The following LMAN1 variants were observed in gnomAD, a reference collection of about 807,000 sequenced individuals.
LMAN1 encodes the protein lectin, mannose binding 1.
A neutral mutation model predicts 67.8 loss-of-function variants in LMAN1; 32 were observed. That is an observed-to-expected ratio of 0.47 (90% CI 0.36 to 0.63). The LOEUF is 0.63. LMAN1 is among the 30% of genes least tolerant of loss of function. The pLI, the probability that LMAN1 is intolerant of heterozygous loss-of-function variation, is 0.00. For missense variants in LMAN1, 632 were observed against 628.2 expected (o/e 1.01, Z -0.06); for synonymous variants, 235 against 219.3 (o/e 1.07, Z -0.63).
intron 5 of LMAN1, 102 bp downstream of exon 5, chr18:59,353,100 C>A: frequency 1.0e-6 from 1 of 997,502 alleles, no homozygotes; most frequent in Non-Finnish European, 1.6e-6. Context: ...AGTATGTAAG[C>A]ATATCCAAAT....
At chr18:59,346,118 T>TA in intron 7 of LMAN1, 67 bp from the exon 8 acceptor site, 1 of 1,353,272 alleles carries the variant, frequency 7.4e-7, no homozygotes. Flanking sequence ...TCTCTATACA[T>TA]GTTATTTTTC....
intron 10 of LMAN1, among the ~76,000 whole-genome samples, chr18:59,335,042 AC>A (rs1908110343): frequency 6.6e-6 from 1 of 152,228 alleles, no homozygotes; most frequent in Non-Finnish European, 1.5e-5. Flanking sequence ...ACAACTAGTT[AC>A]ATCTTTAGAT....
chr18:59,353,098 A>G, intron 5 of LMAN1, 104 bp downstream of exon 5: 1 of 985,394 alleles, frequency 1.0e-6, no homozygotes, highest in Non-Finnish European at 1.6e-6. Flanking sequence ...AGAGTATGTA[A>G]GCATATCCAA....
In LMAN1 at chr18:59,338,541, A is replaced by G; in HGVS notation, c.1220+16T>C. On this transcript the variant is annotated intron_variant, in intron 10 of 12. Transcript: ENST00000251047. ...AAAAATCACATAACACACAAACGCT[A>G]CTTTTCCATACTTACTTCATTTCAT... The G allele has an allele frequency of 6.2e-7, 1 of 1,604,318 alleles. No homozygotes were observed. The highest frequency in any genetic ancestry group is 8.5e-7 in the Non-Finnish European group (1 of 1,171,770).
chr18:59,349,276 A>T (rs765353931), intron 5 of LMAN1, 40 bp from the exon 6 acceptor site: 1 of 1,571,530 alleles, frequency 6.4e-7, no homozygotes, highest in Non-Finnish European at 8.8e-7. Flanking sequence ...TGCAAAAGAC[A>T]TTAGAAAATA....
chr18:59,346,930 C>A (rs975433776), intron 7 of LMAN1, among the ~76,000 whole-genome samples: 1 of 151,524 alleles, frequency 6.6e-6, no homozygotes, highest in African/African-American at 2.4e-5. Context: ...TCTGTTTTAG[C>A]AATTAAGAAA....
In LMAN1 at chr18:59,349,182, T is replaced by C. The variant is rs1209142932; in HGVS notation, c.694A>G (p.Lys232Glu). The C allele has an allele frequency of 1.2e-6, 2 of 1,613,850 alleles. No individual in the cohort carries two copies. The highest frequency in any genetic ancestry group is 3.3e-5 in the Admixed American group (2 of 60,030). ...GCAGGGATAATCATATTTTCCACTT[T>C]GGCACAAAATTCATAATCATTTTTA... ...PDKNDYEFCA[K>E]VENMIIPAQG... The change falls in exon 6 of 13, where the codon AAA (lysine) becomes GAA (glutamate). Residue 232 changes from lysine to glutamate, a missense_variant. Physicochemically the swap from Lys to Glu is moderately conservative, Grantham distance 56 (BLOSUM62 1). Transcript: ENST00000251047.
intron 10 of LMAN1, among the ~76,000 whole-genome samples, chr18:59,338,262 T>C (rs539711819): frequency 6.6e-6 from 1 of 152,328 alleles, no homozygotes; most frequent in East Asian, 1.9e-4. Context: ...ATTCTTTTTA[T>C]ATTTTATAAA....
intron 10 of LMAN1, among the ~76,000 whole-genome samples, chr18:59,336,461 C>A (rs1908149931): frequency 6.6e-6 from 1 of 152,158 alleles, no homozygotes; most frequent in Non-Finnish European, 1.5e-5. Context: ...GGACTGTAAC[C>A]TATGGAATAA....
At chr18:59,345,834 G>T in intron 8 of LMAN1, 85 bp downstream of exon 8, 1 of 1,485,742 alleles carries the variant, frequency 6.7e-7, no homozygotes, top group Non-Finnish European at 9.3e-7. Flanking sequence ...GCAGGGATGA[G>T]CTAGGCAACA....
Position 59,353,189 on chromosome 18 carries a change from A to T in LMAN1, c.639+13T>A. Reference sequence around the variant, plus strand: ...ATTGTTTATTTGATTCTCTCTAAATAGATGTTACTTACTGTCAGTGTGTTC... The same window carrying T: ...ATTGTTTATTTGATTCTCTCTAAATTGATGTTACTTACTGTCAGTGTGTTC... On this transcript the variant is annotated intron_variant, in intron 5 of 12. Coordinates refer to ENST00000251047, the MANE Select transcript of LMAN1 (RefSeq NM_005570.4). The T allele has an allele frequency of 6.3e-7, 1 of 1,577,592 alleles. No individual in the cohort carries two copies. Among genetic ancestry groups the T allele is most frequent in the South Asian group, 1.1e-5 (1 of 90,334 alleles).
chr18:59,334,447 A>G (rs1440540053), intron 10 of LMAN1, among the ~76,000 whole-genome samples: 1 of 152,266 alleles, frequency 6.6e-6, no homozygotes, highest in Non-Finnish European at 1.5e-5. Flanking sequence ...AGATGCATTT[A>G]GCTGAGTGTC....
intron 1 of LMAN1, among the ~76,000 whole-genome samples, chr18:59,358,720 A>C (rs942448468): frequency 1.1e-4 from 17 of 152,154 alleles, no homozygotes; most frequent in African/African-American, 4.1e-4. Context: ...TTTGAGTGCT[A>C]GGAAGTGTAG....
intron 12 of LMAN1, 58 bp from the exon 13 acceptor site, chr18:59,331,187 A>G: frequency 1.4e-6 from 2 of 1,397,456 alleles, no homozygotes; most frequent in South Asian, 2.4e-5. Context: ...CTTTGGAAAG[A>G]AACAGGACTA....
Position 59,355,402 on chromosome 18 carries a change from T to C in LMAN1, c.388A>G (p.Asn130Asp). ...AACACAGGGCCCTCCAAGCCTTGAT[T>C]TTCTGCATACCAAATTGCCTGAAAA... ...ADGLAIWYAE[N>D]QGLEGPVFGS... The change falls in exon 3 of 13, where the codon AAT becomes GAT. Residue 130 changes from asparagine to aspartate, a missense_variant. Transcript: ENST00000251047. The C allele has an allele frequency of 6.2e-7, 1 of 1,614,132 alleles. No individual in the cohort carries two copies. The highest frequency in any genetic ancestry group is 8.5e-7 in the Non-Finnish European group (1 of 1,179,966).
At chr18:59,356,600 CAAA>C (rs1189926138) in intron 1 of LMAN1, among the ~76,000 whole-genome samples, 2 of 152,186 alleles carry the variant, frequency 1.3e-5, no homozygotes, top group African/African-American at 4.8e-5. Context: ...AAAAAGTTGA[CAAA>C]AAGGAAAGCT....
rs2070758605 is a variant in LMAN1 at position 59,333,122 on chromosome 18, C to G, written c.1343G>C (p.Arg448Thr). Residue 448 changes from arginine to threonine, a missense_variant, in exon 11 of 13, where the codon AGG becomes ACG. Coordinates refer to ENST00000251047, the MANE Select transcript of LMAN1 (RefSeq NM_005570.4). ...DIKEHLHIVK[R>T]DIDNLVQRNM... ...TCGCTGCACTAAGTTATCTATGTCC[C>G]TCTTTACTATGTGCAGGTGCTCTTT... 1 of 1,613,462 alleles carries G rather than the reference C, an allele frequency of 6.2e-7. No homozygotes were observed. The highest frequency in any genetic ancestry group is 1.3e-5 in the African/African-American group (1 of 74,892).
At chr18:59,355,825 C>A (rs1221210742) in intron 1 of LMAN1, among the ~76,000 whole-genome samples, 167 bp from the exon 2 acceptor site, 1 of 152,042 alleles carries the variant, frequency 6.6e-6, no homozygotes, top group Non-Finnish European at 1.5e-5. Context: ...AGGGCTAACA[C>A]CTCCCTTATC....
In LMAN1 at chr18:59,355,536, T is replaced by A; in HGVS notation, c.337A>T (p.Thr113Ser). The change falls in exon 2 of 13, where the codon ACT becomes TCT. Residue 113 changes from threonine to serine, a missense_variant. Transcript: ENST00000251047. ...NWEVEVTFRV[T>S]GRGRIGADGL... ...TCAGCTCCAATTCGACCTCTTCCAG[T>A]CACTCGAAATGTCACCTCAACTTCC... The A allele has an allele frequency of 6.2e-7, 1 of 1,614,128 alleles. No individual in the cohort carries two copies. The highest frequency in any genetic ancestry group is 8.5e-7 in the Non-Finnish European group (1 of 1,179,976).
Sources: gnomAD v4.1 joint callset for allele counts (sites outside exome capture counted in the v4.1 genomes callset) on GRCh38, gnomAD v4.1.1 for gene constraint, MANE v1.5 for transcripts, NCBI Gene and HGNC (gene_info 2026-07-23, HGNC 2026-07-21) for gene names.